TGFB1: variants seen among roughly 807,000 people sequenced by gnomAD.
TGFB1 encodes transforming growth factor beta-1 proprotein.
TGFB1 carries 19 observed loss-of-function variants against 43.8 expected under a neutral mutation model. The observed-to-expected ratio is 0.43, with a 90% confidence interval of 0.30 to 0.64. TGFB1 has a LOEUF of 0.64. Among genes scored for constraint, TGFB1 ranks in the 30% least tolerant of loss-of-function variants. TGFB1 has a pLI of 0.11. For synonymous variants in TGFB1, 221 were observed against 236.3 expected (o/e 0.94, Z 0.60); for missense variants, 445 against 529.8 (o/e 0.84, Z 1.57).
intron 5 of TGFB1, among the ~76,000 whole-genome samples, chr19:41,338,036 A>G (rs1439300243): frequency 1.3e-5 from 2 of 151,766 alleles, no homozygotes; most frequent in Admixed American, 6.6e-5. Context: ...TACTAAAAAT[A>G]CAAAAATTAC....
At chr19:41,345,567 C>G (rs2038106733) in intron 2 of TGFB1, among the ~76,000 whole-genome samples, 1 of 152,084 alleles carries the variant, frequency 6.6e-6, no homozygotes, top group South Asian at 2.1e-4. Context: ...TACGGTTCTG[C>G]AAATTTGACA....
Position 41,352,933 on chromosome 19 carries a change from T to A in TGFB1, c.112A>T (p.Met38Leu), listed in dbSNP as rs751217033. Residue 38 changes from methionine to leucine, a missense_variant, in exon 1 of 7, where the codon ATG becomes TTG. By Grantham distance (15) the Met-to-Leu change is conservative. Around this residue, in one of 3 missense-constraint regions of TGFB1, gnomAD observed 366 missense variants for 428.8 expected, o/e 0.85. Transcript: ENST00000221930. ...ATGCGCTTCCGCTTCACCAGCTCCA[T>A]GTCGATAGTCTTGCAGGTGGATAGT... is the stretch of plus-strand genomic sequence containing the variant. ...AGLSTCKTID[M>L]ELVKRKRIEA... 2 of 1,555,348 alleles carry A rather than the reference T, an allele frequency of 1.3e-6. No homozygotes were observed. The highest frequency in any genetic ancestry group is 1.7e-6 in the Non-Finnish European group (2 of 1,151,756).
At position 41,353,428 on chromosome 19, in the gene TGFB1, G is replaced by A; in HGVS notation, c.-384C>T. The A allele has an allele frequency of 5.3e-6, 1 of 189,708 alleles. No individual in the cohort carries two copies. 11.8% of individuals were successfully genotyped at this position (189,708 alleles called of 1,614,324 possible). ...CGAGGTCTGGGGAAAAGTCTTTGCG[G>A]GAGGCCGGGTCGGCGACTCCCGAGG... On this transcript the variant is annotated 5_prime_UTR_variant, in exon 1 of 7. Transcript: ENST00000221930. This position sits in a 1 kb window ranked among gnomAD's most constrained non-coding sequence, Gnocchi z 5.9.
rs116975930 is a variant in TGFB1 at position 41,345,578 on chromosome 19, C to A, written c.517-714G>T. ...AGCATACGGTTCTGCAAATTTGACA[C>A]CCTGAATTCTCAGTAACTTAGAAGT... On this transcript the variant is annotated intron_variant, in intron 2 of 6. Transcript: ENST00000221930. Among the ~76,000 whole-genome samples, 375 of 152,152 alleles carry A rather than the reference C, an allele frequency of 2.5e-3. 11 individuals carry two copies. The East Asian group carries it at 0.056, about 23-fold the overall frequency.
chr19:41,346,550 G>T (rs938934361), intron 2 of TGFB1, among the ~76,000 whole-genome samples: 13 of 152,244 alleles, frequency 8.5e-5, no homozygotes, highest in South Asian at 2.1e-4. Flanking sequence ...AACTGCTAGA[G>T]CCTCCAGCCC....
rs962763796 is a variant in TGFB1 at position 41,348,475 on chromosome 19, G to A, written c.356-20C>T. The A allele has an allele frequency of 1.9e-6, 3 of 1,610,770 alleles. No homozygotes were observed. The highest frequency in any genetic ancestry group is 1.7e-4 in the Middle Eastern group (1 of 5,936). On this transcript the variant is annotated intron_variant, in intron 1 of 6. Transcript: ENST00000221930. ...AGATTTCTAGCAGGGAGAAATGAAG[G>A]GAGGCGATCAGGGGTTTGGCAGAGG...
At position 41,353,084 on chromosome 19, in the gene TGFB1, C is replaced by T. The variant is rs1416259729; in HGVS notation, c.-40G>A. 27 of 1,495,784 alleles carry T rather than the reference C, an allele frequency of 1.8e-5. No individual in the cohort carries two copies. The South Asian group carries it at 2.1e-4, about 12-fold the overall frequency. 92.7% of individuals were successfully genotyped at this position (1,495,784 alleles called of 1,614,324 possible). A position where few individuals can be genotyped will look rare whatever the true frequency, so the allele number is the denominator to read the frequency against. On this transcript the variant is annotated 5_prime_UTR_variant, in exon 1 of 7. Transcript: ENST00000221930. The surrounding 1 kb of genome is among the most constrained non-coding windows in gnomAD (Gnocchi z 5.9). ...CCCCCGGCACTGCCGAGAGCGCGAA[C>T]AGGGCTGGTGTGGTGGGGAGGCCCC...
intron 5 of TGFB1, among the ~76,000 whole-genome samples, chr19:41,338,155 G>A (rs2038009381): frequency 6.6e-6 from 1 of 151,100 alleles, no homozygotes; most frequent in Non-Finnish European, 1.5e-5. Flanking sequence ...TCACTTCACT[G>A]CACTCCAGCC....
rs1302958379 is a variant in TGFB1, at chr19:41,352,761, G to T, written c.284C>A (p.Pro95Gln). Reference protein sequence around the residue: ...RDRVAGESAEPEPEPEADYYA... With the variant: ...RDRVAGESAEQEPEPEADYYA... ...GTAGTCGGCCTCAGGCTCGGGCTCC[G>T]GTTCTGCACTCTCCCCGGCCACCCG... Residue 95 changes from proline (P) to glutamine (Q), a missense_variant, in exon 1 of 7, where the codon CCG (proline) becomes CAG (glutamine). Pro to Gln is a moderately conservative substitution (Grantham distance 76). This residue lies in a region of TGFB1 where 366 missense variants were observed against 428.8 expected (regional missense o/e 0.85). Transcript: ENST00000221930. The T allele has an allele frequency of 1.9e-6, 3 of 1,612,394 alleles. No homozygotes were observed. In the South Asian group the frequency reaches 3.3e-5, roughly 18 times the overall value.
At chr19:41,352,626 G>T in intron 1 of TGFB1, 64 bp downstream of exon 1, 1 of 1,574,744 alleles carries the variant, frequency 6.4e-7, no homozygotes. Context: ...TCCTACCCGT[G>T]GCCCCGGCAC....
At chr19:41,339,039 C>T (rs1204247346) in intron 5 of TGFB1, among the ~76,000 whole-genome samples, 3 of 151,542 alleles carry the variant, frequency 2.0e-5, no homozygotes, top group Non-Finnish European at 4.4e-5. Context: ...AGGTTTCTTG[C>T]AGTCTGAGTT....
intron 2 of TGFB1, among the ~76,000 whole-genome samples, 164 bp downstream of exon 2, chr19:41,348,131 A>G (rs1287361218): frequency 4.5e-5 from 1 of 22,260 alleles, no homozygotes; most frequent in Non-Finnish European, 9.3e-5. Context: ...ACACTGTCTC[A>G]AAAAAAAAAA....
intron 5 of TGFB1, among the ~76,000 whole-genome samples, chr19:41,337,562 C>T (rs1568475990): frequency 6.6e-6 from 1 of 152,060 alleles, no homozygotes; most frequent in Non-Finnish European, 1.5e-5. Flanking sequence ...CGGGTGTGAG[C>T]TACCATACCT....
Position 41,332,257 on chromosome 19 carries a change from C to T in TGFB1, c.885G>A (p.Val295=). 6.2e-7 allele frequency: 1 copy of T among 1,614,134 alleles called. No homozygotes were observed. The highest frequency in any genetic ancestry group is 1.3e-5 in the African/African-American group (1 of 75,058). ...CFSSTEKNCC[V]RQLYIDFRKD... ...TGCGGAAGTCAATGTACAGCTGCCG[C>T]ACGCAGCAGTTCTTCTCCGTGGAGC... Residue 295 remains valine, a synonymous_variant, in exon 6 of 7, where the codon GTG becomes GTA. Transcript: ENST00000221930.
intron 5 of TGFB1, 102 bp downstream of exon 5, chr19:41,341,781 C>T: frequency 6.7e-7 from 1 of 1,483,316 alleles, no homozygotes; most frequent in Non-Finnish European, 9.3e-7. Flanking sequence ...GATGCTCAGC[C>T]CAAGCACAGC....
At chr19:41,333,596 C>T (rs914984410) in intron 5 of TGFB1, among the ~76,000 whole-genome samples, 12 of 152,126 alleles carry the variant, frequency 7.9e-5, no homozygotes, top group South Asian at 4.1e-4. Context: ...TGGGCTCAAA[C>T]GATCCGCACG....
chr19:41,352,333 G>A (rs967665050), intron 1 of TGFB1, among the ~76,000 whole-genome samples: 5 of 142,682 alleles, frequency 3.5e-5, no homozygotes, highest in East Asian at 4.1e-4. Context: ...TCTGCACCTG[G>A]CACCCCACGA....
In TGFB1 at chr19:41,352,718, G is replaced by A; in HGVS notation, c.327C>T (p.Thr109=). Residue 109 remains threonine (T), a synonymous_variant, in exon 1 of 7, where the codon ACC becomes ACT. Coordinates refer to ENST00000221930, the MANE Select transcript of TGFB1 (RefSeq NM_000660.7). ...TGTGGGTTTCCACCATTAGCACGCG[G>A]GTGACCTCCTTGGCGTAGTAGTCGG... The part of the protein sequence containing the change: ...PEADYYAKEV[T]RVLMVETHNE... 1 of 1,613,704 alleles carries A rather than the reference G, an allele frequency of 6.2e-7. No individual in the cohort carries two copies. The highest frequency in any genetic ancestry group is 2.2e-5 in the East Asian group (1 of 44,840).
chr19:41,352,958 T>C lies in TGFB1; in HGVS notation c.87A>G (p.Gly29=). The C allele has an allele frequency of 1.3e-6, 2 of 1,548,604 alleles. No individual in the cohort carries two copies. The highest frequency in any genetic ancestry group is 1.7e-4 in the Middle Eastern group (1 of 5,990). The stretch of plus-strand genomic sequence containing the variant: ...TGTCGATAGTCTTGCAGGTGGATAG[T>C]CCCGCGGCCGGCCGGCCAGGCGTCA... ...LVLTPGRPAA[G]LSTCKTIDME... is the part of the protein sequence containing the mutation. Residue 29 remains glycine (G), a synonymous_variant, in exon 1 of 7, where the codon GGA becomes GGG. Coordinates refer to ENST00000221930, the MANE Select transcript of TGFB1 (RefSeq NM_000660.7).
Sources: allele counts gnomAD v4.1 joint callset (sites outside exome capture counted in the v4.1 genomes callset), GRCh38; gene constraint gnomAD v4.1.1; regional missense constraint gnomAD v4.1.1; non-coding constraint Gnocchi (gnomAD v3.1); transcripts MANE v1.5; gene names NCBI Gene and HGNC (gene_info 2026-07-23, HGNC 2026-07-21).